PDE4D: variants seen among roughly 807,000 people sequenced by gnomAD.
The protein encoded by PDE4D is 3',5'-cyclic-AMP phosphodiesterase 4D.
In PDE4D, 24 loss-of-function variants were observed where a neutral mutation model predicts 87.4. That is an observed-to-expected ratio of 0.27 (90% CI 0.20 to 0.39). The LOEUF (loss-of-function observed/expected upper bound fraction) is 0.39, where lower values mean the gene tolerates loss of function less well. Among genes scored for constraint, PDE4D ranks in the 10% least tolerant of loss-of-function variants. The pLI is 1.00. For synonymous variants in PDE4D, 384 were observed against 383.2 expected (o/e 1.00, Z -0.02); for missense variants, 714 against 1,041.0 (o/e 0.69, Z 4.32).
chr5:60,449,069 G>T (rs42328), intron 1 of PDE4D, among the ~76,000 whole-genome samples: 1 of 69,748 alleles, frequency 1.4e-5, no homozygotes. Context: ...CCAACTGCCC[G>T]CGCACACACA....
At chr5:59,831,196 T>C (rs1282880092) in intron 1 of PDE4D, among the ~76,000 whole-genome samples, 1 of 151,750 alleles carries the variant, frequency 6.6e-6, no homozygotes, top group Non-Finnish European at 1.5e-5. Flanking sequence ...AACACTAGAA[T>C]AGAAAAACAG....
chr5:59,310,088 G>A (rs1040983711), intron 1 of PDE4D, among the ~76,000 whole-genome samples: 2 of 152,154 alleles, frequency 1.3e-5, no homozygotes, highest in Admixed American at 6.5e-5. Flanking sequence ...GAGGACTTCA[G>A]AGTCTGTACT....
chr5:59,480,916 C>T (rs1034939442), intron 1 of PDE4D, among the ~76,000 whole-genome samples: 83 of 152,120 alleles, frequency 5.5e-4, no homozygotes, highest in Non-Finnish European at 2.2e-4. Context: ...CAAGGCCAAT[C>T]GGCTTTAGTG....
intron 3 of PDE4D, among the ~76,000 whole-genome samples, chr5:59,973,194 AAAT>A (rs1397393096): frequency 6.6e-6 from 1 of 152,240 alleles, no homozygotes; most frequent in African/African-American, 2.4e-5. Flanking sequence ...AATTGTAAAT[AAAT>A]AATAAATTTT....
chr5:59,307,731 G>C lies in PDE4D; in HGVS notation c.456-91763C>G, dbSNP rs986461562. The stretch of plus-strand genomic sequence containing the variant: ...AAACAACAGGTGCTGGAGAGGATGT[G>C]GAGAAATAGGAATACTTTTACACTG... On this transcript the variant is annotated intron_variant, in intron 1 of 14. Transcript: ENST00000340635. Among the ~76,000 whole-genome samples, 187 of 152,060 alleles carry C rather than the reference G, an allele frequency of 1.2e-3. 1 individual carries two copies. Among genetic ancestry groups the C allele is most frequent in the African/African-American group, 4.4e-3 (182 of 41,414 alleles).
intron 1 of PDE4D, among the ~76,000 whole-genome samples, chr5:60,472,694 A>G (rs1349612737): frequency 3.9e-5 from 6 of 152,308 alleles, no homozygotes; most frequent in South Asian, 4.1e-4. Context: ...TAGGCTACAA[A>G]TGGTCTCTGA....
chr5:59,669,962 T>C (rs925782864), intron 1 of PDE4D, among the ~76,000 whole-genome samples: 25 of 152,168 alleles, frequency 1.6e-4, no homozygotes, highest in African/African-American at 6.0e-4. Context: ...CTGCACACTG[T>C]CTATTCCTTA....
At chr5:59,751,722 AC>A (rs1199700495) in intron 1 of PDE4D, among the ~76,000 whole-genome samples, 1 of 151,562 alleles carries the variant, frequency 6.6e-6, no homozygotes, top group Non-Finnish European at 1.5e-5. Context: ...ACTCACCTAA[AC>A]CCCATGTAAT....
chr5:60,068,891 T>C (rs1049441865), intron 2 of PDE4D, among the ~76,000 whole-genome samples: 1 of 152,198 alleles, frequency 6.6e-6, no homozygotes, highest in Non-Finnish European at 1.5e-5. Context: ...TTTACTTTTG[T>C]TTTTGTTGCC....
At chr5:60,226,285 G>T (rs1409186194) in intron 1 of PDE4D, among the ~76,000 whole-genome samples, 1 of 152,218 alleles carries the variant, frequency 6.6e-6, no homozygotes, top group Non-Finnish European at 1.5e-5. Flanking sequence ...TATGGTGACA[G>T]CTGAGGTTAA....
At chr5:59,352,086 C>A (rs565403125) in intron 1 of PDE4D, among the ~76,000 whole-genome samples, 1 of 152,224 alleles carries the variant, frequency 6.6e-6, no homozygotes, top group South Asian at 2.1e-4. Context: ...GCTAGATCCA[C>A]CTCCCGAGGC....
chr5:59,250,504 AAAG>A (rs754908579), intron 1 of PDE4D, among the ~76,000 whole-genome samples: 216 of 151,626 alleles, frequency 1.4e-3, no homozygotes, highest in Non-Finnish European at 2.4e-3. Flanking sequence ...AAAAAAAAAA[AAAG>A]AAAGAAAGAA....
chr5:59,170,147 A>G (rs897501232), intron 5 of PDE4D, among the ~76,000 whole-genome samples: 1 of 152,116 alleles, frequency 6.6e-6, no homozygotes, highest in African/African-American at 2.4e-5. Flanking sequence ...CCTCCTGAAT[A>G]GCTGGGATTA....
chr5:59,140,548 C>G (rs985826656), intron 5 of PDE4D, among the ~76,000 whole-genome samples: 3 of 152,026 alleles, frequency 2.0e-5, no homozygotes, highest in Admixed American at 2.0e-4. Context: ...AATGGTAAAC[C>G]AAAATCAGAG....
intron 2 of PDE4D, chr5:59,988,773 A>G: frequency 1.1e-6 from 1 of 932,714 alleles, no homozygotes; most frequent in Admixed American, 2.1e-5. Context: ...ACTGTTTATC[A>G]TTACATAATG....
At chr5:60,088,899 C>T (rs1284383523) in intron 2 of PDE4D, among the ~76,000 whole-genome samples, 2 of 151,916 alleles carry the variant, frequency 1.3e-5, no homozygotes, top group Admixed American at 1.3e-4. Flanking sequence ...TTAAAAGGAT[C>T]CAACTATATG....
chr5:59,022,676 A>G (rs1222946164), intron 6 of PDE4D, among the ~76,000 whole-genome samples: 1 of 152,054 alleles, frequency 6.6e-6, no homozygotes, highest in African/African-American at 2.4e-5. Flanking sequence ...TTCTGTGCAC[A>G]TGTTAGAGGG....
At chr5:60,459,904 T>A (rs566972166) in intron 1 of PDE4D, 1 of 680,464 alleles carries the variant, frequency 1.5e-6, no homozygotes, top group Admixed American at 2.2e-5. Context: ...ATCTTCATCT[T>A]CACCTTCATC....
At chr5:60,002,932 T>C (rs1194816509) in intron 2 of PDE4D, among the ~76,000 whole-genome samples, 2 of 152,034 alleles carry the variant, frequency 1.3e-5, no homozygotes, top group African/African-American at 4.8e-5. Flanking sequence ...CCAGAGCAAT[T>C]AGGCAAGAAA....
Sources: allele counts gnomAD v4.1 joint callset (sites outside exome capture counted in the v4.1 genomes callset), GRCh38; gene constraint gnomAD v4.1.1; transcripts MANE v1.5; gene names NCBI Gene and HGNC (gene_info 2026-07-23, HGNC 2026-07-21).